Variants in GARRE1 observed in about 807,000 individuals in gnomAD.
The protein encoded by GARRE1 is granule associated Rac and RHOG effector protein 1.
Under a neutral mutation model 103.2 loss-of-function variants are expected in GARRE1, and 49 were observed. That is an observed-to-expected ratio of 0.47 (90% CI 0.38 to 0.60). GARRE1 has a LOEUF of 0.60. GARRE1 is among the 20% of genes least tolerant of loss of function. GARRE1 has a pLI of 0.00. For missense variants in GARRE1, 1,199 were observed against 1,370.5 expected (o/e 0.87, Z 1.98); for synonymous variants, 505 against 532.8 (o/e 0.95, Z 0.72).
intron 1 of GARRE1, among the ~76,000 whole-genome samples, chr19:34,258,450 C>T (rs561067795): frequency 2.0e-5 from 3 of 152,102 alleles, no homozygotes; most frequent in African/African-American, 7.2e-5. Flanking sequence ...TCAGTAACCC[C>T]TGGACATGTT....
chr19:34,272,255 C>T (rs1185704931), intron 1 of GARRE1, among the ~76,000 whole-genome samples: 1 of 152,088 alleles, frequency 6.6e-6, no homozygotes, highest in Non-Finnish European at 1.5e-5. Context: ...GCTCTGTTGC[C>T]CAGGCTGGAG....
rs552376351 is a variant in GARRE1, at chr19:34,277,379, A to T, written c.-795-22300A>T. 4.6e-5 allele frequency among the ~76,000 whole-genome samples: 7 copies of T among 152,340 alleles called. No individual in the cohort carries two copies. The South Asian group carries it at 1.4e-3, about 32-fold the overall frequency. Reference sequence around the variant, plus strand: ...TGGTAAAAATTGCCCCCAAGGGTCTATCAGAATCCTAACTCACTTAGACCA... The same window carrying T: ...TGGTAAAAATTGCCCCCAAGGGTCTTTCAGAATCCTAACTCACTTAGACCA... On this transcript the variant is annotated intron_variant, in intron 1 of 13. Coordinates refer to ENST00000299505, the MANE Select transcript of GARRE1 (RefSeq NM_014686.5).
intron 1 of GARRE1, among the ~76,000 whole-genome samples, chr19:34,255,933 C>T (rs548743168): frequency 1.3e-5 from 2 of 151,900 alleles, no homozygotes; most frequent in Admixed American, 1.3e-4. Flanking sequence ...CCTTAGCCTC[C>T]CGGGTTCGAG....
chr19:34,280,336 C>T (rs1360309719), intron 1 of GARRE1, among the ~76,000 whole-genome samples: 2 of 152,194 alleles, frequency 1.3e-5, no homozygotes, highest in African/African-American at 4.8e-5. Flanking sequence ...TGATGTTGAG[C>T]ATCTTTTCAT....
chr19:34,283,280 G>C (rs2073865950), intron 1 of GARRE1, among the ~76,000 whole-genome samples: 1 of 152,146 alleles, frequency 6.6e-6, no homozygotes, highest in Non-Finnish European at 1.5e-5. Context: ...TAGCTGCATA[G>C]TCCATGTAAG....
chr19:34,289,227 G>GT (rs2073903819), intron 1 of GARRE1, among the ~76,000 whole-genome samples: 1 of 152,114 alleles, frequency 6.6e-6, no homozygotes, highest in Non-Finnish European at 1.5e-5. Context: ...GAGGTCAGGA[G>GT]TTTGAGACCA....
At chr19:34,294,773 A>G (rs1239933517) in intron 1 of GARRE1, among the ~76,000 whole-genome samples, 1 of 152,090 alleles carries the variant, frequency 6.6e-6, no homozygotes, top group Non-Finnish European at 1.5e-5. Context: ...GGTGTGATCC[A>G]AGCAATTCTC....
chr19:34,326,065 A>T (rs940543976), intron 3 of GARRE1, among the ~76,000 whole-genome samples: 1 of 152,250 alleles, frequency 6.6e-6, no homozygotes, highest in South Asian at 2.1e-4. Flanking sequence ...TCTCAGCTCC[A>T]GGAAGGTAAG....
intron 1 of GARRE1, among the ~76,000 whole-genome samples, chr19:34,276,771 C>T (rs528898480): frequency 4.6e-5 from 7 of 152,340 alleles, no homozygotes; most frequent in South Asian, 2.1e-4. Context: ...CTCGAGTTTG[C>T]GCGACAGTGC....
At chr19:34,320,432 T>C (rs1043787000) in intron 3 of GARRE1, among the ~76,000 whole-genome samples, 2 of 152,162 alleles carry the variant, frequency 1.3e-5, no homozygotes, top group Non-Finnish European at 2.9e-5. Context: ...TGAACGGTAG[T>C]GCTGCAGGAA....
chr19:34,327,581 C>T lies in GARRE1; in HGVS notation c.846+20C>T, dbSNP rs761588117. 6.2e-7 allele frequency: 1 copy of T among 1,611,616 alleles called. No individual in the cohort carries two copies. The highest frequency in any genetic ancestry group is 8.5e-7 in the Non-Finnish European group (1 of 1,178,894). ...TTGCAAGTAAGTTTTTCAGAACTGA[C>T]ATACTGATTTCCACGGGATAGAAAC... On this transcript the variant is annotated intron_variant, in intron 4 of 13. Transcript: ENST00000299505.
At chr19:34,260,963 G>A (rs2073713856) in intron 1 of GARRE1, among the ~76,000 whole-genome samples, 1 of 152,162 alleles carries the variant, frequency 6.6e-6, no homozygotes, top group Non-Finnish European at 1.5e-5. Flanking sequence ...GAGGAATTAC[G>A]TGGTGTGTGT....
At chr19:34,290,449 T>C (rs34308190) in intron 1 of GARRE1, among the ~76,000 whole-genome samples, 17,905 of 152,216 alleles carry the variant, frequency 0.12, 1,405 homozygotes, top group African/African-American at 0.21. Flanking sequence ...CTAAGAGGAC[T>C]TCACTTTAGC....
Position 34,327,884 on chromosome 19 carries a change from A to T in GARRE1, c.942+18A>T. ...GTTTGCAGGTACACTTTTCCTTCCTAAAGCTCTGGGGACCTATGGCGCTGC... is the reference window on the plus strand; with the variant it reads ...GTTTGCAGGTACACTTTTCCTTCCTTAAGCTCTGGGGACCTATGGCGCTGC... On this transcript the variant is annotated intron_variant, in intron 5 of 13. Coordinates refer to ENST00000299505, the MANE Select transcript of GARRE1 (RefSeq NM_014686.5). 2 of 1,613,866 alleles carry T rather than the reference A, an allele frequency of 1.2e-6. No homozygotes were observed. The highest frequency in any genetic ancestry group is 1.7e-6 in the Non-Finnish European group (2 of 1,179,704).
intron 2 of GARRE1, among the ~76,000 whole-genome samples, chr19:34,303,956 A>G (rs1360181021): frequency 1.3e-5 from 2 of 152,144 alleles, no homozygotes; most frequent in Non-Finnish European, 1.5e-5. Flanking sequence ...TTAAAAATGT[A>G]AAAGTCAGCT....
At position 34,287,000 on chromosome 19, in the gene GARRE1, A is replaced by G. The variant is rs113352534; in HGVS notation, c.-795-12679A>G. On this transcript the variant is annotated intron_variant, in intron 1 of 13. Transcript: ENST00000299505. ...GTATTCTCCAAAAAATTAGTCGGGC[A>G]TGGTGGCGGGCGCCTGTAGTCCCAG... 9.4e-3 allele frequency among the ~76,000 whole-genome samples: 1,427 copies of G among 151,672 alleles called. 16 individuals carry two copies. Among genetic ancestry groups the G allele is most frequent in the Middle Eastern group, 0.027 (8 of 294 alleles).
At chr19:34,315,437 C>T (rs933128873) in intron 2 of GARRE1, among the ~76,000 whole-genome samples, 4 of 152,064 alleles carry the variant, frequency 2.6e-5, no homozygotes, top group Admixed American at 6.6e-5. Context: ...CTTGGCTGGG[C>T]GCAGTGGCTC....
intron 3 of GARRE1, among the ~76,000 whole-genome samples, chr19:34,322,699 T>C (rs778255765): frequency 1.5e-4 from 23 of 151,924 alleles, no homozygotes; most frequent in Admixed American, 9.2e-4. Flanking sequence ...GCAATTCTCC[T>C]GCCTCAGCCT....
intron 1 of GARRE1, among the ~76,000 whole-genome samples, chr19:34,256,755 G>C (rs1000435002): frequency 2.0e-5 from 3 of 152,056 alleles, no homozygotes; most frequent in African/African-American, 7.2e-5. Flanking sequence ...TTTACATTTT[G>C]TGTGTGCTTA....
Sources: allele counts gnomAD v4.1 joint callset (sites outside exome capture counted in the v4.1 genomes callset), GRCh38; gene constraint gnomAD v4.1.1; transcripts MANE v1.5; gene names NCBI Gene and HGNC (gene_info 2026-07-23, HGNC 2026-07-21).